PXDNL: variants seen among roughly 807,000 people sequenced by gnomAD.
The protein encoded by PXDNL is peroxidasin like, also known as probable oxidoreductase PXDNL.
A neutral mutation model predicts 150.8 loss-of-function variants in PXDNL; 145 were observed. That is an observed-to-expected ratio of 0.96 (90% confidence interval 0.84 to 1.10). PXDNL has a LOEUF of 1.10. PXDNL is among the 50% of genes least tolerant of loss of function. The probability of loss-of-function intolerance (pLI) is 0.00; values close to 1 mark genes in which losing one functional copy is unlikely to be tolerated. For missense variants in PXDNL, 2,087 were observed against 1,873.9 expected (o/e 1.11, Z -2.10); for synonymous variants, 757 against 725.7 (o/e 1.04, Z -0.69).
chr8:51,545,362 A>G (rs1812334447), intron 4 of PXDNL, among the ~76,000 whole-genome samples: 1 of 152,246 alleles, frequency 6.6e-6, no homozygotes. Flanking sequence ...GCAATATAGT[A>G]AAAATTACCC....
chr8:51,349,329 C>G (rs1355875701), intron 19 of PXDNL, among the ~76,000 whole-genome samples: 1 of 152,194 alleles, frequency 6.6e-6, no homozygotes, highest in African/African-American at 2.4e-5. Context: ...CCTCTCCAGT[C>G]TCATTTCTCC....
Position 51,809,219 on chromosome 8 carries a change from C to T in PXDNL, c.126G>A (p.Leu42=), listed in dbSNP as rs1388449484. The T allele has an allele frequency of 6.2e-7, 1 of 1,613,672 alleles. No homozygotes were observed. The highest frequency in any genetic ancestry group is 1.7e-5 in the Admixed American group (1 of 59,970). ...KSTVRCMHLM[L]DHIPQVPQQT... Reference sequence around the variant, plus strand: ...GCTGTGGTACCTGAGGAATGTGGTCCAGCATCAAGTGCATGCAGCGGACGG... The same window carrying T: ...GCTGTGGTACCTGAGGAATGTGGTCTAGCATCAAGTGCATGCAGCGGACGG... Residue 42 remains leucine, a synonymous_variant, in exon 1 of 23, where the codon CTG becomes CTA. Coordinates refer to ENST00000356297, the MANE Select transcript of PXDNL (RefSeq NM_144651.5).
chr8:51,638,805 T>C (rs1232756578), intron 2 of PXDNL, among the ~76,000 whole-genome samples: 1 of 151,852 alleles, frequency 6.6e-6, no homozygotes, highest in African/African-American at 2.4e-5. Flanking sequence ...GACAGAAAGT[T>C]AAAAAGGATA....
intron 17 of PXDNL, among the ~76,000 whole-genome samples, chr8:51,393,403 G>A (rs1807971639): frequency 6.6e-6 from 1 of 152,226 alleles, no homozygotes; most frequent in Non-Finnish European, 1.5e-5. Context: ...AGGCTCCACA[G>A]TGAGAAGGAA....
chr8:51,675,575 A>G (rs1018611899), intron 1 of PXDNL, among the ~76,000 whole-genome samples: 1 of 152,042 alleles, frequency 6.6e-6, no homozygotes, highest in South Asian at 2.1e-4. Context: ...CAGGCGGATC[A>G]TAAGGTCAGG....
chr8:51,391,184 T>C (rs918376024), intron 17 of PXDNL, among the ~76,000 whole-genome samples: 18 of 152,336 alleles, frequency 1.2e-4, no homozygotes, highest in Non-Finnish European at 2.1e-4. Context: ...ATATTGTGAA[T>C]AGTGCCGCAA....
chr8:51,627,586 G>A (rs765018155), intron 2 of PXDNL, among the ~76,000 whole-genome samples: 4 of 152,072 alleles, frequency 2.6e-5, no homozygotes, highest in Non-Finnish European at 5.9e-5. Context: ...GCTCCAAGGG[G>A]TCCTCAGAGA....
intron 2 of PXDNL, among the ~76,000 whole-genome samples, chr8:51,597,085 A>T (rs1813586774): frequency 6.6e-6 from 1 of 152,210 alleles, no homozygotes; most frequent in African/African-American, 2.4e-5. Context: ...GTTTGTACAC[A>T]GTGAAAGGTA....
At chr8:51,566,423 GCTTT>G (rs931343677) in intron 3 of PXDNL, among the ~76,000 whole-genome samples, 1 of 151,774 alleles carries the variant, frequency 6.6e-6, no homozygotes, top group African/African-American at 2.4e-5. Context: ...TGAATCTGGT[GCTTT>G]CTGTTTTAGA....
At chr8:51,540,106 C>T (rs1206554236) in intron 4 of PXDNL, among the ~76,000 whole-genome samples, 2 of 152,032 alleles carry the variant, frequency 1.3e-5, no homozygotes, top group African/African-American at 4.8e-5. Context: ...CCATGTTGGC[C>T]AGGCTGGTCT....
intron 9 of PXDNL, 32 bp downstream of exon 9, chr8:51,457,466 T>C (rs1809960893): frequency 2.0e-6 from 3 of 1,534,708 alleles, no homozygotes; most frequent in Non-Finnish European, 1.8e-6. Flanking sequence ...CCAGTGCAGA[T>C]AATTGATAGA....
intron 1 of PXDNL, among the ~76,000 whole-genome samples, chr8:51,662,852 T>C (rs1815304661): frequency 1.3e-5 from 2 of 152,194 alleles, no homozygotes; most frequent in South Asian, 4.1e-4. Flanking sequence ...GGAGCACACA[T>C]ATGTATAAAC....
intron 4 of PXDNL, among the ~76,000 whole-genome samples, chr8:51,536,274 G>A (rs534181245): frequency 2.0e-5 from 3 of 152,322 alleles, no homozygotes; most frequent in Admixed American, 2.0e-4. Context: ...TGGAAATGGA[G>A]AGAAAAAAAC....
At chr8:51,738,798 T>C (rs2036867873) in intron 1 of PXDNL, among the ~76,000 whole-genome samples, 1 of 152,170 alleles carries the variant, frequency 6.6e-6, no homozygotes, top group South Asian at 2.1e-4. Flanking sequence ...CACTGGAGAA[T>C]TCTAACAACA....
At chr8:51,524,790 G>A (rs1236380811) in intron 4 of PXDNL, among the ~76,000 whole-genome samples, 1 of 152,158 alleles carries the variant, frequency 6.6e-6, no homozygotes, top group East Asian at 1.9e-4. Flanking sequence ...ATTCTCTTCT[G>A]TGGTCACTGT....
chr8:51,618,918 C>T (rs116365857), intron 2 of PXDNL, among the ~76,000 whole-genome samples: 184 of 152,300 alleles, frequency 1.2e-3, no homozygotes, highest in African/African-American at 3.9e-3. Flanking sequence ...CATTCTTTTA[C>T]GCAGGCAGAT....
chr8:51,775,218 T>G (rs909024209), intron 1 of PXDNL, among the ~76,000 whole-genome samples: 6 of 152,196 alleles, frequency 3.9e-5, no homozygotes, highest in Admixed American at 6.5e-5. Context: ...ATAAGAAGAC[T>G]CAGTAGTTTA....
At chr8:51,721,081 GC>G (rs2130916165) in intron 1 of PXDNL, among the ~76,000 whole-genome samples, 1 of 152,302 alleles carries the variant, frequency 6.6e-6, no homozygotes, top group South Asian at 2.1e-4. Context: ...GAGCCTCCTG[GC>G]TGAACCCCAA....
chr8:51,580,708 A>G (rs988494245), intron 3 of PXDNL, among the ~76,000 whole-genome samples: 10 of 152,170 alleles, frequency 6.6e-5, no homozygotes, highest in African/African-American at 2.4e-4. Context: ...ATTCCTTGAT[A>G]CCAAGTAGCT....
Sources: allele counts gnomAD v4.1 joint callset (sites outside exome capture counted in the v4.1 genomes callset), GRCh38; gene constraint gnomAD v4.1.1; transcripts MANE v1.5; gene names NCBI Gene and HGNC (gene_info 2026-07-23, HGNC 2026-07-21).